Variants in ADD2 observed in about 807,000 individuals in gnomAD.
ADD2 encodes adducin 2.
A neutral mutation model predicts 83.0 loss-of-function variants in ADD2; 23 were observed. That is an observed-to-expected ratio of 0.28 (90% CI 0.20 to 0.39). The LOEUF is 0.39. Ranked by LOEUF, ADD2 falls within the 10% of genes least tolerant of loss-of-function variation. The pLI is 1.00. For synonymous variants in ADD2, 375 were observed against 375.4 expected, an observed-to-expected ratio of 1.00 and a Z score of 0.01; for missense variants, 758 against 944.9, an observed-to-expected ratio of 0.80 and a Z score of 2.59.
chr2:70,743,336 T>C lies in ADD2; in HGVS notation c.-154+24550A>G, dbSNP rs972312378. Among the ~76,000 whole-genome samples, 7 of 152,334 alleles carry C rather than the reference T, an allele frequency of 4.6e-5. No homozygotes were observed. The East Asian group carries it at 1.4e-3, about 29-fold the overall frequency. The stretch of plus-strand genomic sequence containing the variant: ...TGCAAAATATAATTTGGTTGTATTT[T>C]TACTCCACTTCTCTGAGAGCTGGAT... On this transcript the variant is annotated intron_variant, in intron 1 of 15. Coordinates refer to ENST00000264436, the MANE Select transcript of ADD2 (RefSeq NM_001617.4).
In ADD2 at chr2:70,676,727, A is replaced by G. The variant is rs1670164629; in HGVS notation, c.1593+69T>C. 6.2e-7 allele frequency: 1 copy of G among 1,605,620 alleles called. No homozygotes were observed. Among genetic ancestry groups the G allele is most frequent in the African/African-American group, 1.3e-5 (1 of 74,798 alleles). On this transcript the variant is annotated intron_variant, in intron 13 of 15. Transcript: ENST00000264436. This position sits in a 1 kb window ranked among gnomAD's most constrained non-coding sequence, Gnocchi z 4.8. The stretch of plus-strand genomic sequence containing the variant: ...TGAGGACTCAGGGGTCCTGCAACCC[A>G]GCCCCAGGCACAGAAGACCCCGAAG...
rs77724953 is a variant in ADD2, at chr2:70,761,102, A to G, written c.-154+6784T>C. ...CTAATCAAGGAATAAGTAAAAATGA[A>G]GATTGAGCATAGGAAATGGACTGAG... is the stretch of plus-strand genomic sequence containing the variant. On this transcript the variant is annotated intron_variant, in intron 1 of 15. Transcript: ENST00000264436. Among the ~76,000 whole-genome samples the G allele has an allele frequency of 4.6e-5, 7 of 152,354 alleles. No homozygotes were observed. The East Asian group carries it at 1.3e-3, about 29-fold the overall frequency.
intron 10 of ADD2, among the ~76,000 whole-genome samples, chr2:70,682,829 T>C (rs1553369792): frequency 6.6e-6 from 1 of 152,174 alleles, no homozygotes; most frequent in African/African-American, 2.4e-5. Flanking sequence ...ACATGACTGA[T>C]TGGTTCATTT....
chr2:70,762,384 C>G (rs1352394668), intron 1 of ADD2, among the ~76,000 whole-genome samples: 4 of 151,588 alleles, frequency 2.6e-5, no homozygotes, highest in Non-Finnish European at 4.4e-5. Flanking sequence ...ATGGAAGATT[C>G]ACCCCACAAT....
intron 1 of ADD2, among the ~76,000 whole-genome samples, chr2:70,752,987 T>G (rs1366695213): frequency 1.3e-5 from 2 of 152,104 alleles, no homozygotes; most frequent in Non-Finnish European, 2.9e-5. Context: ...GAACTTTGGA[T>G]TCATCAGCAC....
chr2:70,713,458 A>G (rs1481044607), intron 1 of ADD2, among the ~76,000 whole-genome samples: 6 of 152,112 alleles, frequency 3.9e-5, no homozygotes, highest in African/African-American at 1.4e-4. Flanking sequence ...TAAAAATACA[A>G]AAATTAGCTG....
intron 4 of ADD2, among the ~76,000 whole-genome samples, chr2:70,702,017 C>T (rs1183159930): frequency 6.6e-6 from 1 of 152,068 alleles, no homozygotes; most frequent in South Asian, 2.1e-4. Flanking sequence ...TACAAATTTC[C>T]CCTACAGAGC....
At chr2:70,736,501 A>G (rs2104484006) in intron 1 of ADD2, among the ~76,000 whole-genome samples, 1 of 152,320 alleles carries the variant, frequency 6.6e-6, no homozygotes, top group South Asian at 2.1e-4. Flanking sequence ...TTGCAAAATG[A>G]CCCTCCAGGT....
chr2:70,690,106 T>TC (rs1670953255), intron 8 of ADD2, among the ~76,000 whole-genome samples: 1 of 152,018 alleles, frequency 6.6e-6, no homozygotes, highest in Non-Finnish European at 1.5e-5. Context: ...AAAAAAATTT[T>TC]TTTTTTTTGA....
At chr2:70,671,236 C>T (rs1443412608) in intron 15 of ADD2, among the ~76,000 whole-genome samples, 8 of 152,244 alleles carry the variant, frequency 5.3e-5, no homozygotes, top group Admixed American at 2.6e-4. Flanking sequence ...GCCTGAGAGC[C>T]GTAAGCACTC....
In ADD2 at chr2:70,683,632, C is replaced by T. The variant is rs782626804; in HGVS notation, c.1084G>A (p.Glu362Lys). Residue 362 changes from glutamate to lysine, a missense_variant, in exon 10 of 16, where the codon GAG becomes AAG. Transcript: ENST00000264436. ...FGPMQKSRLGEHEFEALMRML... is the reference protein window; with the variant it reads ...FGPMQKSRLGKHEFEALMRML... ...CTCATGAGGGCCTCAAACTCATGCT[C>T]CCCCAGCCGACTCTTCTGCATAGGC... The T allele has an allele frequency of 6.8e-6, 11 of 1,613,786 alleles. No homozygotes were observed. The highest frequency in any genetic ancestry group is 8.5e-6 in the Non-Finnish European group (10 of 1,179,862).
intron 1 of ADD2, among the ~76,000 whole-genome samples, chr2:70,745,411 G>A (rs1165577928): frequency 6.6e-6 from 1 of 152,158 alleles, no homozygotes; most frequent in Non-Finnish European, 1.5e-5. Flanking sequence ...GTACCACAAA[G>A]TACAGAATCA....
chr2:70,675,953 A>G, intron 13 of ADD2: 1 of 985,442 alleles, frequency 1.0e-6, no homozygotes, highest in Non-Finnish European at 1.2e-6. Flanking sequence ...AGTGTTCCCC[A>G]TCTTGGCTGA....
chr2:70,736,115 T>C (rs1284469062), intron 1 of ADD2, among the ~76,000 whole-genome samples: 1 of 151,972 alleles, frequency 6.6e-6, no homozygotes. Context: ...CCAGAGTCTC[T>C]AACTGCCGGG....
At chr2:70,758,288 A>G (rs559091803) in intron 1 of ADD2, among the ~76,000 whole-genome samples, 1 of 152,264 alleles carries the variant, frequency 6.6e-6, no homozygotes, top group South Asian at 2.1e-4. Context: ...TCCATATGTC[A>G]TTTCTAGCTT....
Position 70,725,678 on chromosome 2 carries a change from G to A in ADD2, c.-153-12494C>T, listed in dbSNP as rs541648387. On this transcript the variant is annotated intron_variant, in intron 1 of 15. Coordinates refer to ENST00000264436, the MANE Select transcript of ADD2 (RefSeq NM_001617.4). Reference sequence around the variant, plus strand: ...AGCCATCAGAAGCTGGGAGACGCACGGAAGCATTCTCCCCTAGAACTTCTG... The same window carrying A: ...AGCCATCAGAAGCTGGGAGACGCACAGAAGCATTCTCCCCTAGAACTTCTG... Among the ~76,000 whole-genome samples, 3 of 152,174 alleles carry A rather than the reference G, an allele frequency of 2.0e-5. No individual in the cohort carries two copies. In the South Asian group the frequency reaches 6.2e-4, roughly 32 times the overall value.
chr2:70,764,648 G>T (rs1553385655), intron 1 of ADD2, among the ~76,000 whole-genome samples: 2 of 151,994 alleles, frequency 1.3e-5, no homozygotes, highest in African/African-American at 4.9e-5. Flanking sequence ...GCCAGGCATA[G>T]TGGCTCATGC....
chr2:70,663,792 C>T, intron 15 of ADD2, 57 bp from the exon 16 acceptor site: 7 of 1,534,206 alleles, frequency 4.6e-6, no homozygotes, highest in Non-Finnish European at 6.2e-6. Context: ...ACAGCTTCCA[C>T]CTGGGGCTAA....
chr2:70,704,266 C>CCCCCCCCCCCCCCCCCCCCCCCCA, intron 4 of ADD2, 55 bp downstream of exon 4: 1 of 650,836 alleles, frequency 1.5e-6, no homozygotes. Context: ...CCTCTCTTCC[C>CCCCCCCCCCCCCCCCCCCCCCCCA]CACCCCACCC....
Sources: gnomAD v4.1 joint callset for allele counts (sites outside exome capture counted in the v4.1 genomes callset) on GRCh38, gnomAD v4.1.1 for gene constraint, Gnocchi (gnomAD v3.1) non-coding constraint, MANE v1.5 for transcripts, NCBI Gene and HGNC (gene_info 2026-07-23, HGNC 2026-07-21) for gene names.